Variants in DGKI observed in about 807,000 individuals in gnomAD.
DGKI encodes DAG kinase iota.
Under a neutral mutation model 147.5 loss-of-function variants are expected in DGKI, and 55 were observed. The observed-to-expected ratio is 0.37, with a 90% CI of 0.30 to 0.47. DGKI has a LOEUF of 0.47. Ranked by LOEUF, DGKI falls within the 20% of genes least tolerant of loss-of-function variation. DGKI has a pLI of 1.00. For missense variants in DGKI, 1,007 were observed against 1,323.8 expected, an observed-to-expected ratio of 0.76 and a Z score of 3.71; for synonymous variants, 469 against 477.1, an observed-to-expected ratio of 0.98 and a Z score of 0.22.
intron 21 of DGKI, among the ~76,000 whole-genome samples, chr7:137,513,280 T>C (rs1187536346): frequency 6.6e-6 from 1 of 152,180 alleles, no homozygotes; most frequent in Non-Finnish European, 1.5e-5. Context: ...CCCACATTCC[T>C]GCCCACAACC....
intron 1 of DGKI, among the ~76,000 whole-genome samples, chr7:137,730,417 T>C (rs1432557954): frequency 6.6e-6 from 1 of 152,092 alleles, no homozygotes; most frequent in Non-Finnish European, 1.5e-5. Flanking sequence ...TTGTCATCTT[T>C]ACAGTCAAAG....
intron 20 of DGKI, among the ~76,000 whole-genome samples, chr7:137,525,615 A>G (rs1281958229): frequency 6.6e-6 from 1 of 152,156 alleles, no homozygotes; most frequent in Non-Finnish European, 1.5e-5. Context: ...CCTCATAGGT[A>G]AAGTGGAGAT....
chr7:137,763,178 T>C (rs1488300626), intron 1 of DGKI, among the ~76,000 whole-genome samples: 1 of 152,234 alleles, frequency 6.6e-6, no homozygotes, highest in Non-Finnish European at 1.5e-5. Context: ...TATATTTTTA[T>C]AGGCAACAGA....
chr7:137,602,894 G>GAA (rs1207194632), intron 10 of DGKI, among the ~76,000 whole-genome samples: 102 of 143,148 alleles, frequency 7.1e-4, no homozygotes, highest in African/African-American at 2.5e-3. Flanking sequence ...TTCTCTAAAT[G>GAA]AAAAAAAAAA....
intron 1 of DGKI, among the ~76,000 whole-genome samples, chr7:137,816,702 A>G (rs1320135345): frequency 6.6e-6 from 1 of 152,246 alleles, no homozygotes; most frequent in African/African-American, 2.4e-5. Flanking sequence ...TATAAAGACA[A>G]AAAACATTGT....
intron 1 of DGKI, among the ~76,000 whole-genome samples, chr7:137,741,604 C>T (rs996989040): frequency 6.6e-6 from 1 of 152,084 alleles, no homozygotes; most frequent in African/African-American, 2.4e-5. Flanking sequence ...TGTGTCTGAA[C>T]GATAAGATGA....
chr7:137,653,128 T>TTGTGTG (rs372984668), intron 5 of DGKI, among the ~76,000 whole-genome samples: 1 of 151,710 alleles, frequency 6.6e-6, no homozygotes, highest in Non-Finnish European at 1.5e-5. Flanking sequence ...GTATGTGTGT[T>TTGTGTG]TGTGTGTGTG....
chr7:137,617,342 T>C (rs1424975830), intron 8 of DGKI, among the ~76,000 whole-genome samples: 1 of 152,014 alleles, frequency 6.6e-6, no homozygotes, highest in African/African-American at 2.4e-5. Context: ...TATTGTTCTA[T>C]ACTAAGGGAA....
chr7:137,846,161 T>TCTCACACA lies in DGKI; in HGVS notation c.401+300_401+301insTGTGTGAG, dbSNP rs781580130. ...CTCTCTCTCTCTCTCTCTCTCTCTC[T>TCTCACACA]CACACACACACACACACACACACAC... On this transcript the variant is annotated intron_variant, in intron 1 of 32. Coordinates refer to ENST00000614521, the MANE Select transcript of DGKI (RefSeq NM_001321708.2). The surrounding 1 kb of genome is among the most constrained non-coding windows in gnomAD (Gnocchi z 4.0). Among the ~76,000 whole-genome samples, 26 of 108,220 alleles carry TCTCACACA rather than the reference T, an allele frequency of 2.4e-4. No homozygotes were observed. The highest frequency in any genetic ancestry group is 8.4e-4 in the East Asian group (3 of 3,570). 71.0% of individuals were successfully genotyped at this position (108,220 alleles called of 152,430 possible). A position where few individuals can be genotyped will look rare whatever the true frequency, so the allele number is the denominator to read the frequency against.
intron 1 of DGKI, among the ~76,000 whole-genome samples, chr7:137,750,262 A>G (rs35755593): frequency 0.27 from 41,591 of 151,928 alleles, 5,772 homozygotes; most frequent in Middle Eastern, 0.37. Context: ...GTGAGTAGGT[A>G]GTGCTGAGGC....
At chr7:137,682,128 T>C (rs1563148233) in intron 2 of DGKI, among the ~76,000 whole-genome samples, 1 of 152,110 alleles carries the variant, frequency 6.6e-6, no homozygotes, top group East Asian at 1.9e-4. Context: ...TTCTAGTGAG[T>C]TACTGAAGCT....
intron 1 of DGKI, among the ~76,000 whole-genome samples, chr7:137,776,099 C>G (rs765551444): frequency 6.6e-6 from 1 of 152,138 alleles, no homozygotes; most frequent in Non-Finnish European, 1.5e-5. Flanking sequence ...CTTAGGTGAT[C>G]CACCTGCCTT....
At chr7:137,490,815 T>A (rs538583147) in intron 21 of DGKI, among the ~76,000 whole-genome samples, 3 of 152,314 alleles carry the variant, frequency 2.0e-5, no homozygotes, top group Admixed American at 1.3e-4. Context: ...GCAGAGACTT[T>A]GTTTAAGTCC....
In DGKI at chr7:137,585,262, C is replaced by A. The variant is rs1345529209; in HGVS notation, c.1510G>T (p.Val504Leu). 1 of 1,614,144 alleles carries A rather than the reference C, an allele frequency of 6.2e-7. No individual in the cohort carries two copies. The highest frequency in any genetic ancestry group is 8.5e-7 in the Non-Finnish European group (1 of 1,180,010). ...GGAGGCAAGTCGGGGTTTCTTTCCACATGGAGGTTCCAGCGATCTAGCTGT... is the reference window on the plus strand; with the variant it reads ...GGAGGCAAGTCGGGGTTTCTTTCCAAATGGAGGTTCCAGCGATCTAGCTGT... ...VVQLDRWNLHVERNPDLPPEE... is the reference protein window; with the variant it reads ...VVQLDRWNLHLERNPDLPPEE... Residue 504 changes from valine (V) to leucine (L), a missense_variant, in exon 14 of 33, where the codon GTG (valine) becomes TTG (leucine). Val to Leu is a conservative substitution (Grantham distance 32). Around this residue, in one of 5 missense-constraint regions of DGKI, gnomAD observed 224 missense variants for 382.7 expected, o/e 0.59. Transcript: ENST00000614521.
At chr7:137,602,081 T>C (rs1820009497) in intron 10 of DGKI, among the ~76,000 whole-genome samples, 1 of 152,208 alleles carries the variant, frequency 6.6e-6, no homozygotes, top group Admixed American at 6.5e-5. Context: ...GAATAATCTT[T>C]TATGTTTAAT....
chr7:137,472,368 A>T lies in DGKI; in HGVS notation c.2374-2749T>A, dbSNP rs868409149. Reference sequence around the variant, plus strand: ...AATTATTATATGTATATATACATATAATTATTATATGTATATATACATATT... The same window carrying T: ...AATTATTATATGTATATATACATATTATTATTATATGTATATATACATATT... On this transcript the variant is annotated intron_variant, in intron 23 of 32. Transcript: ENST00000614521. 1.6e-4 allele frequency among the ~76,000 whole-genome samples: 3 copies of T among 19,074 alleles called. 1 individual carries two copies. The highest frequency in any genetic ancestry group is 4.5e-4 in the African/African-American group (2 of 4,484). The allele number at this position is 19,074 out of a possible 152,430, so 12.5% of individuals were successfully genotyped here.
chr7:137,572,585 A>C (rs1818830927), intron 18 of DGKI, among the ~76,000 whole-genome samples, 180 bp downstream of exon 18: 1 of 152,208 alleles, frequency 6.6e-6, no homozygotes, highest in Non-Finnish European at 1.5e-5. Flanking sequence ...AAAACCACCA[A>C]CCACAAAGAA....
intron 21 of DGKI, among the ~76,000 whole-genome samples, chr7:137,511,656 A>G (rs1414366394): frequency 2.0e-5 from 3 of 152,220 alleles, no homozygotes; most frequent in African/African-American, 7.2e-5. Flanking sequence ...AATGAACTCA[A>G]GGATTTTGGT....
intron 2 of DGKI, 134 bp downstream of exon 2, chr7:137,689,760 G>A (rs2116452424): frequency 2.0e-6 from 1 of 502,528 alleles, no homozygotes; most frequent in African/African-American, 2.0e-5. Flanking sequence ...CTACAGCTAA[G>A]GTATCTGAGG....
Sources: gnomAD v4.1 joint callset for allele counts (sites outside exome capture counted in the v4.1 genomes callset) on GRCh38, gnomAD v4.1.1 for gene constraint, gnomAD v4.1.1 regional missense constraint, Gnocchi (gnomAD v3.1) non-coding constraint, MANE v1.5 for transcripts, NCBI Gene and HGNC (gene_info 2026-07-23, HGNC 2026-07-21) for gene names.